Variants in MRPL20 observed in about 807,000 individuals in gnomAD.
The protein encoded by MRPL20 is mitochondrial ribosomal protein L20, also known as large ribosomal subunit protein bL20m.
A neutral mutation model predicts 20.0 loss-of-function variants in MRPL20; 21 were observed. The observed-to-expected ratio is 1.05, with a 90% CI of 0.74 to 1.51. MRPL20 has a LOEUF of 1.51. MRPL20 is among the 40% of genes most tolerant of loss of function. The pLI is 0.00. For missense variants in MRPL20, 252 were observed against 185.6 expected, an observed-to-expected ratio of 1.36 and a Z score of -2.08; for synonymous variants, 104 against 73.0, an observed-to-expected ratio of 1.43 and a Z score of -2.17.
chr1:1,405,735 A>G, intron 3 of MRPL20, 74 bp downstream of exon 3: 3 of 1,613,178 alleles, frequency 1.9e-6, no homozygotes, highest in Non-Finnish European at 2.5e-6. Flanking sequence ...GACTACAGGA[A>G]GCACCACCAC....
In MRPL20 at chr1:1,402,035, A is replaced by G. The variant is rs371258056; in HGVS notation, c.*48T>C. 64 of 1,568,112 alleles carry G rather than the reference A, an allele frequency of 4.1e-5. No homozygotes were observed. In the African/African-American group the frequency reaches 8.1e-4, roughly 20 times the overall value. On this transcript the variant is annotated 3_prime_UTR_variant, in exon 4 of 4. Coordinates refer to ENST00000344843, the MANE Select transcript of MRPL20 (RefSeq NM_017971.4). ...GATAAACAAAAGTATAAATCAAACA[A>G]ACTGCAAATTACTCTGTCTCTTTTC...
chr1:1,402,417 G>A, intron 3 of MRPL20, 161 bp from the exon 4 acceptor site: 2 of 1,386,386 alleles, frequency 1.4e-6, no homozygotes, highest in African/African-American at 2.9e-5. Context: ...AGGACTTCCA[G>A]GCAGGATGCT....
chr1:1,407,059 C>G, intron 1 of MRPL20, 40 bp from the exon 2 acceptor site: 1 of 1,609,484 alleles, frequency 6.2e-7, no homozygotes, highest in East Asian at 2.2e-5. Context: ...TCAGCGGGGC[C>G]CGCGCCGGCC....
chr1:1,406,720 G>A (rs1379090159), intron 2 of MRPL20, 189 bp downstream of exon 2: 14 of 616,116 alleles, frequency 2.3e-5, no homozygotes, highest in East Asian at 1.1e-4. Flanking sequence ...AGTGGGGGTG[G>A]CGGCGGGGCG....
At chr1:1,402,560 A>T in intron 3 of MRPL20, 1 of 1,123,106 alleles carries the variant, frequency 8.9e-7, no homozygotes. Flanking sequence ...GACTGAGCTG[A>T]CTGCTGGCCT....
chr1:1,404,192 C>G (rs545074826), intron 3 of MRPL20, among the ~76,000 whole-genome samples: 7 of 150,666 alleles, frequency 4.6e-5, no homozygotes, highest in African/African-American at 1.7e-4. Context: ...CTCGCTCTGT[C>G]GACCAGCCTG....
At chr1:1,406,143 A>G (rs577706930) in intron 2 of MRPL20, 495 of 424,792 alleles carry the variant, frequency 1.2e-3, no homozygotes, top group Non-Finnish European at 1.6e-3. Context: ...ATCATTTCAG[A>G]TCTGGAGTTC....
intron 3 of MRPL20, among the ~76,000 whole-genome samples, chr1:1,403,947 A>G (rs200162542): frequency 1.3e-5 from 2 of 151,866 alleles, no homozygotes; most frequent in Non-Finnish European, 2.9e-5. Flanking sequence ...ATTCAAGCCA[A>G]TCTCCTGCCT....
At chr1:1,405,502 A>G in intron 3 of MRPL20, 1 of 605,706 alleles carries the variant, frequency 1.7e-6, no homozygotes, top group South Asian at 2.0e-5. Flanking sequence ...TGCTGGCACT[A>G]TTCCTAGGCA....
chr1:1,405,450 A>G, intron 3 of MRPL20: 1 of 592,398 alleles, frequency 1.7e-6, no homozygotes. Flanking sequence ...AGCAAATTTT[A>G]TTTTTTTGTA....
intron 2 of MRPL20, 119 bp from the exon 3 acceptor site, chr1:1,406,005 T>C: frequency 2.1e-6 from 3 of 1,400,504 alleles, no homozygotes; most frequent in Non-Finnish European, 2.9e-6. Flanking sequence ...CAGTGAGCTA[T>C]GATGGTGCCA....
rs779508071 is a variant in MRPL20 at position 1,406,859 on chromosome 1, G to C, written c.198+50C>G. 11 of 1,505,652 alleles carry C rather than the reference G, an allele frequency of 7.3e-6. No individual in the cohort carries two copies. In the East Asian group the frequency reaches 2.5e-4, roughly 34 times the overall value. 93.3% of individuals were successfully genotyped at this position (1,505,652 alleles called of 1,614,324 possible). A position where few individuals can be genotyped will look rare whatever the true frequency, so the allele number is the denominator to read the frequency against. On this transcript the variant is annotated intron_variant, in intron 2 of 3. Coordinates refer to ENST00000344843, the MANE Select transcript of MRPL20 (RefSeq NM_017971.4). Reference sequence around the variant, plus strand: ...ACTAGCTGGGTCGCGGCGCAGAAACGCAGGGGCCGCGAGTGCGCTGGCCGG... The same window carrying C: ...ACTAGCTGGGTCGCGGCGCAGAAACCCAGGGGCCGCGAGTGCGCTGGCCGG...
At position 1,402,254 on chromosome 1, in the gene MRPL20, G is replaced by A. The variant is rs1645337940; in HGVS notation, c.279C>T (p.Cys93=). 1 of 1,605,546 alleles carries A rather than the reference G, an allele frequency of 6.2e-7. No individual in the cohort carries two copies. Reference sequence around the variant, plus strand: ...GGACTTTCCTGTTGAGCTCCACCTGGCACTGAAAAAAGAATGAATCAGAAC... The same window carrying A: ...GGACTTTCCTGTTGAGCTCCACCTGACACTGAAAAAAGAATGAATCAGAAC... The part of the protein sequence containing the change: ...YPALIGNLVK[C]QVELNRKVLA... Residue 93 remains cysteine, a splice_region_variant and synonymous_variant, in exon 4 of 4, where the codon TGC becomes TGT. Coordinates refer to ENST00000344843, the MANE Select transcript of MRPL20 (RefSeq NM_017971.4).
chr1:1,407,050 C>A (rs1165148807), intron 1 of MRPL20, 31 bp from the exon 2 acceptor site: 1 of 1,611,044 alleles, frequency 6.2e-7, no homozygotes, highest in African/African-American at 1.3e-5. Flanking sequence ...CCAGGGTTGT[C>A]AGCGGGGCCC....
chr1:1,406,711 G>C (rs1166489501), intron 2 of MRPL20, 198 bp downstream of exon 2: 3 of 610,974 alleles, frequency 4.9e-6, no homozygotes, highest in Non-Finnish European at 8.9e-6. Flanking sequence ...GGGGGTGACA[G>C]TGGGGGTGGC....
intron 2 of MRPL20, 45 bp downstream of exon 2, chr1:1,406,864 G>C (rs758805012): frequency 2.6e-6 from 4 of 1,535,024 alleles, no homozygotes; most frequent in Non-Finnish European, 3.6e-6. Context: ...GAAACGCAGG[G>C]GCCGCGAGTG....
chr1:1,406,669 C>A (rs1044815632), intron 2 of MRPL20: 14 of 552,050 alleles, frequency 2.5e-5, no homozygotes, highest in Non-Finnish European at 4.2e-5. Flanking sequence ...GTCAAGGCGG[C>A]TCTGCAGTGG....
intron 3 of MRPL20, among the ~76,000 whole-genome samples, chr1:1,404,233 A>G (rs1570066771): frequency 6.6e-6 from 1 of 150,432 alleles, no homozygotes; most frequent in East Asian, 2.0e-4. Context: ...AGCTCACTGC[A>G]ATCTCCGTCT....
chr1:1,407,036 G>A lies in MRPL20; in HGVS notation c.88-17C>T. ...CCGGAAGTGCTGGGACAGAAAACGA[G>A]AAACCAGGGTTGTCAGCGGGGCCCG... On this transcript the variant is annotated splice_polypyrimidine_tract_variant and intron_variant, in intron 1 of 3. Transcript: ENST00000344843. 1 of 1,612,706 alleles carries A rather than the reference G, an allele frequency of 6.2e-7. No homozygotes were observed. The highest frequency in any genetic ancestry group is 1.7e-4 in the Middle Eastern group (1 of 6,060).
Sources: gnomAD v4.1 joint callset for allele counts (sites outside exome capture counted in the v4.1 genomes callset) on GRCh38, gnomAD v4.1.1 for gene constraint, MANE v1.5 for transcripts, NCBI Gene and HGNC (gene_info 2026-07-23, HGNC 2026-07-21) for gene names.